NAP1L4: variants seen among roughly 807,000 people sequenced by gnomAD.
NAP1L4 encodes nucleosome assembly protein 1 like 4, also known as nucleosome assembly protein 1-like 4.
NAP1L4 carries 15 observed loss-of-function variants against 58.2 expected under a neutral mutation model. That is an observed-to-expected ratio of 0.26 (90% CI 0.17 to 0.40). NAP1L4 has a LOEUF of 0.40. Among genes scored for constraint, NAP1L4 ranks in the 10% least tolerant of loss-of-function variants. The probability of loss-of-function intolerance (pLI) is 1.00; values close to 1 mark genes in which losing one functional copy is unlikely to be tolerated. For missense variants in NAP1L4, 384 were observed against 451.1 expected, an observed-to-expected ratio of 0.85 and a Z score of 1.35; for synonymous variants, 171 against 155.6, an observed-to-expected ratio of 1.10 and a Z score of -0.74.
chr11:2,965,413 G>A (rs1847211999), intron 7 of NAP1L4, among the ~76,000 whole-genome samples: 1 of 152,188 alleles, frequency 6.6e-6, no homozygotes, highest in African/African-American at 2.4e-5. Flanking sequence ...ACTTATTTGT[G>A]TATCTAAACA....
chr11:2,964,405 C>G (rs1420699024), intron 8 of NAP1L4, among the ~76,000 whole-genome samples: 1 of 152,220 alleles, frequency 6.6e-6, no homozygotes, highest in Non-Finnish European at 1.5e-5. Context: ...TGGGGCATCA[C>G]ATGGTCTGCA....
chr11:2,945,896 G>A (rs1845915450), intron 15 of NAP1L4, among the ~76,000 whole-genome samples: 1 of 152,150 alleles, frequency 6.6e-6, no homozygotes, highest in South Asian at 2.1e-4. Context: ...ATGTTCAGCA[G>A]GAGGGTTTTG....
chr11:2,969,365 T>TACACACAC (rs112028410), intron 7 of NAP1L4, among the ~76,000 whole-genome samples: 1 of 151,118 alleles, frequency 6.6e-6, no homozygotes, highest in African/African-American at 2.4e-5. Flanking sequence ...GATGTGTGTG[T>TACACACAC]ACACACACAC....
At position 2,944,689 on chromosome 11, in the gene NAP1L4, T is replaced by A. The variant is rs1845847299; in HGVS notation, c.*990A>T. 6.6e-6 allele frequency: 1 copy of A among 152,194 alleles called. No homozygotes were observed. Among genetic ancestry groups the A allele is most frequent in the African/African-American group, 2.4e-5 (1 of 41,440 alleles). 9.4% of individuals were successfully genotyped at this position (152,194 alleles called of 1,614,324 possible). On this transcript the variant is annotated 3_prime_UTR_variant, in exon 16 of 16. Transcript: ENST00000380542. ...TGGTGGGGCCCCGCAATGGGGCTACTGAGAAAGCAGGACTTGACGCTCATA... is the reference window on the plus strand; with the variant it reads ...TGGTGGGGCCCCGCAATGGGGCTACAGAGAAAGCAGGACTTGACGCTCATA...
At chr11:2,985,658 C>T (rs748110478) in intron 1 of NAP1L4, among the ~76,000 whole-genome samples, 2 of 152,028 alleles carry the variant, frequency 1.3e-5, no homozygotes, top group African/African-American at 2.4e-5. Flanking sequence ...TTCAAAACAT[C>T]GCATTATACA....
chr11:2,961,066 A>G (rs1290919627), intron 8 of NAP1L4, among the ~76,000 whole-genome samples: 5 of 152,120 alleles, frequency 3.3e-5, no homozygotes, highest in Non-Finnish European at 7.3e-5. Flanking sequence ...CCGCGTTTAT[A>G]GGCAAGGCTG....
chr11:2,975,942 C>A, intron 4 of NAP1L4, 82 bp downstream of exon 4: 3 of 1,208,212 alleles, frequency 2.5e-6, no homozygotes, highest in Non-Finnish European at 3.5e-6. Context: ...TAATCCTGTT[C>A]TGGGGAACTG....
chr11:2,990,486 C>G (rs1305731337), intron 1 of NAP1L4: 3 of 152,178 alleles, frequency 2.0e-5, no homozygotes, highest in African/African-American at 7.2e-5. Context: ...GTCTGAATCT[C>G]AAAATTCTAC....
chr11:2,978,478 C>T, intron 2 of NAP1L4, 136 bp from the exon 3 acceptor site: 1 of 696,004 alleles, frequency 1.4e-6, no homozygotes, highest in Non-Finnish European at 2.4e-6. Flanking sequence ...AGAAAACTAC[C>T]AATGTGCATG....
chr11:2,987,250 T>C (rs1564993619), intron 1 of NAP1L4, among the ~76,000 whole-genome samples: 2 of 152,066 alleles, frequency 1.3e-5, no homozygotes, highest in Non-Finnish European at 2.9e-5. Context: ...CTCTCCAGGA[T>C]CAGAAGTTAA....
At chr11:2,980,280 T>G (rs1001201012) in intron 1 of NAP1L4, among the ~76,000 whole-genome samples, 1 of 152,320 alleles carries the variant, frequency 6.6e-6, no homozygotes, top group Admixed American at 6.5e-5. Flanking sequence ...CTCAACTTAC[T>G]GGGCTCAAGC....
At position 2,959,931 on chromosome 11, in the gene NAP1L4, A is replaced by C. The variant is rs1433619543; in HGVS notation, c.607-22T>G. 6 of 1,612,568 alleles carry C rather than the reference A, an allele frequency of 3.7e-6. No individual in the cohort carries two copies. The highest frequency in any genetic ancestry group is 2.7e-5 in the African/African-American group (2 of 74,856). On this transcript the variant is annotated intron_variant, in intron 8 of 15. Coordinates refer to ENST00000380542, the MANE Select transcript of NAP1L4 (RefSeq NM_005969.4). The surrounding 1 kb of genome is among the most constrained non-coding windows in gnomAD (Gnocchi z 4.9). ...AAGACTAAAAGTAGAAATTCAGAGT[A>C]AGCACCAGTTAAAATAGAAAAATAA... is the stretch of plus-strand genomic sequence containing the variant.
chr11:2,969,587 AC>A (rs1847512227), intron 7 of NAP1L4, among the ~76,000 whole-genome samples: 1 of 152,190 alleles, frequency 6.6e-6, no homozygotes, highest in African/African-American at 2.4e-5. Flanking sequence ...CCAGCTTTCC[AC>A]CAAGAACTGC....
rs998549742 is a variant in NAP1L4, at chr11:2,946,451, T to C, written c.*33-805A>G. Among the ~76,000 whole-genome samples, 1 of 152,194 alleles carries C rather than the reference T, an allele frequency of 6.6e-6. No homozygotes were observed. Among genetic ancestry groups the C allele is most frequent in the East Asian group, 1.9e-4 (1 of 5,202 alleles). On this transcript the variant is annotated intron_variant, in intron 15 of 15. Transcript: ENST00000380542. This position sits in a 1 kb window ranked among gnomAD's most constrained non-coding sequence, Gnocchi z 4.8. The stretch of plus-strand genomic sequence containing the variant: ...GGCCAACAATAGCCTAAGAAATACA[T>C]CACGATCTTGCTAATGCTTCTGCGC...
rs1846234544 is a variant in NAP1L4, at chr11:2,951,678, A to C, written c.1065+102T>G. 8.7e-7 allele frequency: 1 copy of C among 1,152,594 alleles called. No homozygotes were observed. The highest frequency in any genetic ancestry group is 1.3e-6 in the Non-Finnish European group (1 of 778,664). The allele number at this position is 1,152,594 out of a possible 1,614,324, so 71.4% of individuals were successfully genotyped here. ...TAGAATCAAAGACAGCGTCACAAAA[A>C]ATGGGTTTAACACAGCCCTGTGAGT... is the stretch of plus-strand genomic sequence containing the variant. On this transcript the variant is annotated intron_variant, in intron 13 of 15. Coordinates refer to ENST00000380542, the MANE Select transcript of NAP1L4 (RefSeq NM_005969.4). This position sits in a 1 kb window ranked among gnomAD's most constrained non-coding sequence, Gnocchi z 4.0.
At chr11:2,967,936 T>C (rs1295612397) in intron 7 of NAP1L4, among the ~76,000 whole-genome samples, 2 of 152,112 alleles carry the variant, frequency 1.3e-5, no homozygotes, top group Non-Finnish European at 2.9e-5. Context: ...GTGACCCCAA[T>C]GCCATAACCA....
chr11:2,966,440 CCT>C (rs1340842166), intron 7 of NAP1L4, among the ~76,000 whole-genome samples: 1 of 92,254 alleles, frequency 1.1e-5, no homozygotes, highest in Non-Finnish European at 2.2e-5. Context: ...TTTATCCTCC[CCT>C]CTCTCTCCCT....
chr11:2,964,303 A>G (rs558547828), intron 8 of NAP1L4, among the ~76,000 whole-genome samples: 1 of 152,304 alleles, frequency 6.6e-6, no homozygotes, highest in African/African-American at 2.4e-5. Context: ...CAAACAAACT[A>G]CAAGACCAAG....
chr11:2,988,714 A>G (rs1191799866), intron 1 of NAP1L4, among the ~76,000 whole-genome samples: 1 of 152,232 alleles, frequency 6.6e-6, no homozygotes, highest in Non-Finnish European at 1.5e-5. Context: ...CGCATTTTTA[A>G]AAGTCCCAAG....
Sources: gnomAD v4.1 joint callset for allele counts (sites outside exome capture counted in the v4.1 genomes callset) on GRCh38, gnomAD v4.1.1 for gene constraint, Gnocchi (gnomAD v3.1) non-coding constraint, MANE v1.5 for transcripts, NCBI Gene and HGNC (gene_info 2026-07-23, HGNC 2026-07-21) for gene names.